Variants in CTNNA3 observed in about 807,000 individuals in gnomAD.
CTNNA3 encodes the protein catenin alpha-3.
Under a neutral mutation model 95.7 loss-of-function variants are expected in CTNNA3, and 76 were observed. The ratio of observed to expected loss-of-function variants is 0.79; its 90% CI spans 0.66 to 0.96. The LOEUF is 0.96. Ranked by LOEUF, CTNNA3 falls within the 40% of genes least tolerant of loss-of-function variation. The probability of loss-of-function intolerance (pLI) is 0.00; values close to 1 mark genes in which losing one functional copy is unlikely to be tolerated. For missense variants in CTNNA3, 1,191 were observed against 1,089.8 expected (o/e 1.09, Z -1.31); for synonymous variants, 431 against 374.4 (o/e 1.15, Z -1.74).
At chr10:67,439,539 C>T (rs553909146) in intron 5 of CTNNA3, among the ~76,000 whole-genome samples, 1 of 152,246 alleles carries the variant, frequency 6.6e-6, no homozygotes, top group African/African-American at 2.4e-5. Flanking sequence ...GACAACAGCA[C>T]CAAGGGGGAT....
chr10:66,235,252 C>T (rs1416334313), intron 13 of CTNNA3, among the ~76,000 whole-genome samples: 1 of 151,974 alleles, frequency 6.6e-6, no homozygotes, highest in African/African-American at 2.4e-5. Context: ...AAGAAGTATA[C>T]AATATATCAA....
chr10:66,215,913 T>G (rs552809734), intron 13 of CTNNA3, among the ~76,000 whole-genome samples: 14 of 152,310 alleles, frequency 9.2e-5, no homozygotes, highest in Admixed American at 8.5e-4. Context: ...TCACACTACC[T>G]CTCCATTCCC....
chr10:66,181,478 T>G (rs2086035138), intron 13 of CTNNA3, among the ~76,000 whole-genome samples: 1 of 152,180 alleles, frequency 6.6e-6, no homozygotes, highest in Non-Finnish European at 1.5e-5. Context: ...TGACAGGTAA[T>G]GCTAGGCCTT....
upstream of CTNNA3, among the ~76,000 whole-genome samples, chr10:67,699,907 G>A (rs1208355463): frequency 6.6e-6 from 1 of 152,220 alleles, no homozygotes; most frequent in Non-Finnish European, 1.5e-5. Flanking sequence ...GGAAAATCGG[G>A]TCACTCCCAC....
At chr10:66,653,657 C>T (rs931296671) in intron 9 of CTNNA3, among the ~76,000 whole-genome samples, 6 of 151,932 alleles carry the variant, frequency 3.9e-5, no homozygotes, top group African/African-American at 1.5e-4. Context: ...CAATCTTGAG[C>T]CAAAATAACA....
chr10:66,737,135 AC>A (rs1432673883), intron 9 of CTNNA3, among the ~76,000 whole-genome samples: 24 of 151,578 alleles, frequency 1.6e-4, no homozygotes, highest in African/African-American at 5.4e-4. Flanking sequence ...AAATACAAAA[AC>A]ATTGGCCTGT....
chr10:66,180,231 CA>C (rs1344059235), intron 13 of CTNNA3, among the ~76,000 whole-genome samples: 1 of 152,104 alleles, frequency 6.6e-6, no homozygotes, highest in African/African-American at 2.4e-5. Flanking sequence ...GGCCTATTTT[CA>C]AAAGCCGAAA....
At chr10:66,688,776 C>T (rs1564619700) in intron 9 of CTNNA3, among the ~76,000 whole-genome samples, 2 of 150,950 alleles carry the variant, frequency 1.3e-5, no homozygotes, top group Admixed American at 1.3e-4. Flanking sequence ...TCGAGACCAT[C>T]CTGGCTAACG....
intron 10 of CTNNA3, among the ~76,000 whole-genome samples, chr10:66,604,373 C>T (rs1844040452): frequency 6.6e-6 from 1 of 152,188 alleles, no homozygotes; most frequent in Non-Finnish European, 1.5e-5. Context: ...CATGCTGCCT[C>T]CACCGCTGTG....
intron 17 of CTNNA3, among the ~76,000 whole-genome samples, chr10:65,930,206 A>C (rs2077229777): frequency 7.0e-6 from 1 of 143,764 alleles, no homozygotes; most frequent in African/African-American, 2.8e-5. Flanking sequence ...CAGTAAAAAA[A>C]AAAAAAAAAA....
intron 7 of CTNNA3, among the ~76,000 whole-genome samples, chr10:66,860,648 G>C (rs1029497517): frequency 5.9e-5 from 9 of 152,094 alleles, no homozygotes; most frequent in African/African-American, 1.7e-4. Flanking sequence ...GAGTATCTAT[G>C]CCATTGCAGT....
chr10:67,521,131 C>G (rs949254012), intron 5 of CTNNA3, among the ~76,000 whole-genome samples: 1 of 152,190 alleles, frequency 6.6e-6, no homozygotes, highest in Non-Finnish European at 1.5e-5. Flanking sequence ...CACCTAGTGG[C>G]TGTGAAGAAA....
At chr10:66,151,841 T>C (rs2084215450) in intron 13 of CTNNA3, among the ~76,000 whole-genome samples, 1 of 151,972 alleles carries the variant, frequency 6.6e-6, no homozygotes, top group African/African-American at 2.4e-5. Flanking sequence ...TTTTTAAAAT[T>C]AGGTTGAATA....
intron 11 of CTNNA3, among the ~76,000 whole-genome samples, chr10:66,380,869 C>T (rs7093298): frequency 1.5e-3 from 220 of 151,400 alleles, no homozygotes; most frequent in Non-Finnish European, 2.5e-3. Context: ...TAAATATATA[C>T]GCACCCAATA....
intron 5 of CTNNA3, among the ~76,000 whole-genome samples, chr10:67,296,641 G>T (rs1370732461): frequency 1.3e-5 from 2 of 152,058 alleles, no homozygotes; most frequent in Admixed American, 6.5e-5. Context: ...TGTATCAAGG[G>T]TTCAGTGCTG....
intron 7 of CTNNA3, among the ~76,000 whole-genome samples, chr10:66,875,395 T>TA (rs76999620): frequency 0.31 from 45,070 of 146,710 alleles, 7,459 homozygotes; most frequent in East Asian, 0.5. Flanking sequence ...CACTGTTATT[T>TA]AAAAAAAAAA....
chr10:67,687,892 C>A (rs1469389665), intron 1 of CTNNA3, among the ~76,000 whole-genome samples: 1 of 152,126 alleles, frequency 6.6e-6, no homozygotes, highest in Non-Finnish European at 1.5e-5. Flanking sequence ...CAACTCCAGT[C>A]CCCATGATCT....
At chr10:67,492,271 A>G (rs1838870493) in intron 5 of CTNNA3, among the ~76,000 whole-genome samples, 1 of 152,216 alleles carries the variant, frequency 6.6e-6, no homozygotes, top group South Asian at 2.1e-4. Flanking sequence ...TAAGATTTAC[A>G]GGAAAAAAGA....
At position 66,021,797 on chromosome 10, in the gene CTNNA3, G is replaced by A. The variant is rs551115288; in HGVS notation, c.2160-33000C>T. On this transcript the variant is annotated intron_variant, in intron 15 of 17. Coordinates refer to ENST00000433211, the MANE Select transcript of CTNNA3 (RefSeq NM_013266.4). ...TAGCTTGATTGAATGAATACTTCAA[G>A]TAACATATCTTTTTTCCCCAGAATA... is the stretch of plus-strand genomic sequence containing the variant. Among the ~76,000 whole-genome samples, 7 of 140,588 alleles carry A rather than the reference G, an allele frequency of 5.0e-5. No individual in the cohort carries two copies. The East Asian group carries it at 1.7e-3, about 34-fold the overall frequency. 92.2% of individuals were successfully genotyped at this position (140,588 alleles called of 152,430 possible).
Sources: gnomAD v4.1 joint callset for allele counts (sites outside exome capture counted in the v4.1 genomes callset) on GRCh38, gnomAD v4.1.1 for gene constraint, MANE v1.5 for transcripts, NCBI Gene and HGNC (gene_info 2026-07-23, HGNC 2026-07-21) for gene names.